Variants in KIF26B observed in about 807,000 individuals in gnomAD.
KIF26B encodes the protein kinesin-like protein KIF26B.
In KIF26B, 63 loss-of-function variants were observed where a neutral mutation model predicts 151.2. The observed-to-expected ratio is 0.42, with a 90% CI of 0.34 to 0.51. The LOEUF (loss-of-function observed/expected upper bound fraction) is 0.51. Ranked by LOEUF, KIF26B falls within the 20% of genes least tolerant of loss-of-function variation. KIF26B has a pLI of 0.07. For missense variants in KIF26B, 2,813 were observed against 2,913.6 expected, an observed-to-expected ratio of 0.97 and a Z score of 0.79; for synonymous variants, 1,357 against 1,262.1, an observed-to-expected ratio of 1.08 and a Z score of -1.59.
chr1:245,557,840 G>C (rs1662075092), intron 5 of KIF26B, among the ~76,000 whole-genome samples: 1 of 152,194 alleles, frequency 6.6e-6, no homozygotes, highest in African/African-American at 2.4e-5. Flanking sequence ...TAGAGGTAAG[G>C]CATTTAGTCA....
At chr1:245,493,755 A>G (rs1660454212) in intron 4 of KIF26B, among the ~76,000 whole-genome samples, 1 of 152,188 alleles carries the variant, frequency 6.6e-6, no homozygotes, top group Admixed American at 6.5e-5. Flanking sequence ...CTCCCTGTTC[A>G]TCTGCTGAGA....
chr1:245,355,437 A>G (rs887299611), intron 2 of KIF26B, among the ~76,000 whole-genome samples: 6 of 152,002 alleles, frequency 3.9e-5, no homozygotes, highest in African/African-American at 1.4e-4. Context: ...CTCTACAAAA[A>G]ATACAAAAAT....
At chr1:245,536,325 TTTCTTTTCTCCAGGC>T (rs1661487354) in intron 4 of KIF26B, among the ~76,000 whole-genome samples, 1 of 152,206 alleles carries the variant, frequency 6.6e-6, no homozygotes, top group Non-Finnish European at 1.5e-5. Context: ...TTTCTCCAGG[TTTCTTTTCTCCAGGC>T]TAAATATCCC....
intron 6 of KIF26B, among the ~76,000 whole-genome samples, chr1:245,603,558 G>A (rs2043418920): frequency 6.6e-6 from 1 of 152,104 alleles, no homozygotes. Context: ...CACACCATAG[G>A]CACATGTCTT....
chr1:245,662,813 C>G lies in KIF26B; in HGVS notation c.2258+16533C>G, dbSNP rs2044171118. On this transcript the variant is annotated intron_variant, in intron 10 of 14. Transcript: ENST00000407071. ...GTATAAACAGATCTCCTCACTCTGT[C>G]TGCTTGAACACAGACTTCCAATCCC... 2.0e-4 allele frequency among the ~76,000 whole-genome samples: 8 copies of G among 39,732 alleles called. No homozygotes were observed. The South Asian group carries it at 8.1e-3, about 40-fold the overall frequency. 26.1% of individuals were successfully genotyped at this position (39,732 alleles called of 152,430 possible). A position where few individuals can be genotyped will look rare whatever the true frequency, so the allele number is the denominator to read the frequency against.
chr1:245,316,941 G>A (rs1671791164), intron 2 of KIF26B, among the ~76,000 whole-genome samples: 1 of 150,108 alleles, frequency 6.7e-6, no homozygotes, highest in Non-Finnish European at 1.5e-5. Context: ...CCCGGGTGGA[G>A]GGACTCCCGA....
At chr1:245,593,501 T>G (rs537473395) in intron 5 of KIF26B, among the ~76,000 whole-genome samples, 1,761 of 152,342 alleles carry the variant, frequency 0.012, 36 homozygotes, top group African/African-American at 0.041. Context: ...GGACATGAAC[T>G]CATCCTTTTT....
intron 4 of KIF26B, among the ~76,000 whole-genome samples, chr1:245,529,462 C>T (rs541991695): frequency 2.0e-5 from 3 of 152,274 alleles, no homozygotes; most frequent in Admixed American, 6.5e-5. Flanking sequence ...CTGCCACCGA[C>T]GGAGTATTTA....
chr1:245,363,514 C>T (rs902166369), intron 2 of KIF26B, among the ~76,000 whole-genome samples: 1 of 152,142 alleles, frequency 6.6e-6, no homozygotes, highest in African/African-American at 2.4e-5. Flanking sequence ...TCTTTTCTTC[C>T]TATTTATGAC....
At chr1:245,536,549 G>A (rs1273676364) in intron 4 of KIF26B, among the ~76,000 whole-genome samples, 1 of 152,176 alleles carries the variant, frequency 6.6e-6, no homozygotes, top group Non-Finnish European at 1.5e-5. Context: ...GGGAGTGAGT[G>A]GTGTTTTATT....
At chr1:245,458,675 G>A (rs1164264799) in intron 4 of KIF26B, among the ~76,000 whole-genome samples, 5 of 152,190 alleles carry the variant, frequency 3.3e-5, no homozygotes, top group Non-Finnish European at 5.9e-5. Context: ...CATGTTAATT[G>A]CAGCACTTTA....
At chr1:245,617,383 G>A (rs1368267133) in intron 9 of KIF26B, among the ~76,000 whole-genome samples, 1 of 152,198 alleles carries the variant, frequency 6.6e-6, no homozygotes, top group African/African-American at 2.4e-5. Context: ...ACCATACCTA[G>A]CCTAATCTGC....
At chr1:245,636,860 TTGTG>T (rs34722448) in intron 9 of KIF26B, among the ~76,000 whole-genome samples, 72 of 149,296 alleles carry the variant, frequency 4.8e-4, no homozygotes, top group African/African-American at 9.3e-4. Context: ...TAATATTCCA[TTGTG>T]TGTGTGTGTG....
At chr1:245,642,369 C>T (rs148041472) in intron 9 of KIF26B, among the ~76,000 whole-genome samples, 56 of 152,078 alleles carry the variant, frequency 3.7e-4, no homozygotes, top group African/African-American at 1.3e-3. Context: ...TTGCCCATAA[C>T]AGGAGGAGCT....
Position 245,156,675 on chromosome 1 carries a change from C to T in KIF26B, c.457C>T (p.Pro153Ser). 1.3e-6 allele frequency: 2 copies of T among 1,497,148 alleles called. No individual in the cohort carries two copies. The highest frequency in any genetic ancestry group is 2.4e-4 in the Middle Eastern group (1 of 4,250). 92.7% of individuals were successfully genotyped at this position (1,497,148 alleles called of 1,614,324 possible). A position where few individuals can be genotyped will look rare whatever the true frequency, so the allele number is the denominator to read the frequency against. The change falls in exon 2 of 15, where the codon CCG becomes TCG. Residue 153 changes from proline to serine, a missense_variant. This residue lies in a region of KIF26B where 676 missense variants were observed against 688.1 expected (regional missense o/e 0.98). Coordinates refer to ENST00000407071, the MANE Select transcript of KIF26B (RefSeq NM_018012.4). ...GAGGTTGCTCCTCCCGGGGCCCTTCCCGGGCAAGGTGAGCGCCGCGCGGGG... is the reference window on the plus strand; with the variant it reads ...GAGGTTGCTCCTCCCGGGGCCCTTCTCGGGCAAGGTGAGCGCCGCGCGGGG... ...ALRLLLPGPF[P>S]GKDPAFSAVI...
At chr1:245,217,470 T>G (rs1302728325) in intron 2 of KIF26B, among the ~76,000 whole-genome samples, 1 of 151,724 alleles carries the variant, frequency 6.6e-6, no homozygotes, top group Non-Finnish European at 1.5e-5. Context: ...GTTCAAGCGA[T>G]TCTCCTGCCT....
At chr1:245,324,398 G>A (rs1242882235) in intron 2 of KIF26B, among the ~76,000 whole-genome samples, 3 of 152,168 alleles carry the variant, frequency 2.0e-5, no homozygotes, top group African/African-American at 7.2e-5. Flanking sequence ...CCTAGCTGGA[G>A]GAAGAAGAAT....
chr1:245,549,787 CT>C (rs35606217), intron 5 of KIF26B, among the ~76,000 whole-genome samples: 17 of 148,402 alleles, frequency 1.1e-4, no homozygotes, highest in Middle Eastern at 3.5e-3. Flanking sequence ...CCGATACATT[CT>C]TTTTTTTTTT....
rs575005302 is a variant in KIF26B, at chr1:245,366,915, C to T, written c.547C>T (p.Arg183Cys). Reference protein sequence around the residue: ...IRKAWNDRDNRCDICATHLNQ... With the variant: ...IRKAWNDRDNCCDICATHLNQ... Reference sequence around the variant, plus strand: ...GAAGGCATGGAACGACCGGGACAACCGCTGTGACATTTGCGCCACTCACCT... The same window carrying T: ...GAAGGCATGGAACGACCGGGACAACTGCTGTGACATTTGCGCCACTCACCT... The change falls in exon 3 of 15, where the codon CGC (arginine) becomes TGC (cysteine). Residue 183 changes from arginine (R) to cysteine (C), a missense_variant. By Grantham distance (180) the Arg-to-Cys change is radical (BLOSUM62 -3). Transcript: ENST00000407071. 6.8e-5 allele frequency: 110 copies of T among 1,614,050 alleles called. 5 individuals carry two copies. In the South Asian group the frequency reaches 9.8e-4, roughly 14 times the overall value.
Sources: gnomAD v4.1 joint callset for allele counts (sites outside exome capture counted in the v4.1 genomes callset) on GRCh38, gnomAD v4.1.1 for gene constraint, gnomAD v4.1.1 regional missense constraint, MANE v1.5 for transcripts, NCBI Gene and HGNC (gene_info 2026-07-23, HGNC 2026-07-21) for gene names.